Variants in RAB11FIP3 observed in about 807,000 individuals in gnomAD.
The protein encoded by RAB11FIP3 is rab11 family-interacting protein 3.
RAB11FIP3 carries 17 observed loss-of-function variants against 77.8 expected under a neutral mutation model. The ratio of observed to expected loss-of-function variants is 0.22; its 90% confidence interval spans 0.15 to 0.33. The LOEUF (loss-of-function observed/expected upper bound fraction) is 0.33. RAB11FIP3 is among the 10% of genes least tolerant of loss of function. The pLI is 1.00. For missense variants in RAB11FIP3, 1,005 were observed against 1,011.2 expected (o/e 0.99, Z 0.08); for synonymous variants, 437 against 448.2 (o/e 0.98, Z 0.31).
chr16:445,634 A>G (rs2055303439), intron 1 of RAB11FIP3, among the ~76,000 whole-genome samples: 2 of 152,144 alleles, frequency 1.3e-5, no homozygotes, highest in African/African-American at 4.8e-5. Flanking sequence ...CAGGTGGCTG[A>G]ATCTCAGGCC....
rs200248787 is a variant in RAB11FIP3 at position 487,560 on chromosome 16, G to A, written c.1116-1291G>A. ...AGTGGGTCCGGGCGGAGCAGAGCGC[G>A]CGGTCCTCCTGACTCTGCCCCCTTC... On this transcript the variant is annotated intron_variant, in intron 4 of 13. Coordinates refer to ENST00000262305, the MANE Select transcript of RAB11FIP3 (RefSeq NM_014700.4). 6.6e-5 allele frequency among the ~76,000 whole-genome samples: 10 copies of A among 152,162 alleles called. No individual in the cohort carries two copies. In the East Asian group the frequency reaches 9.6e-4, roughly 15 times the overall value.
At chr16:451,030 A>C (rs1237980634) in intron 1 of RAB11FIP3, among the ~76,000 whole-genome samples, 4 of 151,854 alleles carry the variant, frequency 2.6e-5, no homozygotes, top group Non-Finnish European at 4.4e-5. Context: ...TTATTTCCTC[A>C]TCATGTTTGC....
intron 10 of RAB11FIP3, among the ~76,000 whole-genome samples, chr16:519,424 A>G (rs879566681): frequency 3.3e-5 from 5 of 152,208 alleles, no homozygotes; most frequent in Admixed American, 2.6e-4. Context: ...ATATTCTCAG[A>G]GCACTTGGGC....
At chr16:494,405 G>C (rs1221287698) in intron 5 of RAB11FIP3, among the ~76,000 whole-genome samples, 1 of 149,764 alleles carries the variant, frequency 6.7e-6, no homozygotes, top group Non-Finnish European at 1.5e-5. Context: ...GGCAGATCAC[G>C]AGGTCAGGAG....
chr16:485,325 C>T (rs916090658), intron 4 of RAB11FIP3, among the ~76,000 whole-genome samples: 1 of 152,158 alleles, frequency 6.6e-6, no homozygotes, highest in Non-Finnish European at 1.5e-5. Flanking sequence ...GGAGTCCTTT[C>T]GATATGAGTC....
chr16:506,467 G>A lies in RAB11FIP3; in HGVS notation c.1499+840G>A, dbSNP rs1174679237. Among the ~76,000 whole-genome samples, 2 of 152,146 alleles carry A rather than the reference G, an allele frequency of 1.3e-5. No homozygotes were observed. Among genetic ancestry groups the A allele is most frequent in the African/African-American group, 4.8e-5 (2 of 41,418 alleles). ...CTGCCCAGCTGCGCGGGCACATCCC[G>A]GCTCTTCCACATATTCTCAGCTCGG... On this transcript the variant is annotated intron_variant, in intron 8 of 13. Transcript: ENST00000262305. This position sits in a 1 kb window ranked among gnomAD's most constrained non-coding sequence, Gnocchi z 4.5.
In RAB11FIP3 at chr16:496,875, G is replaced by T. The variant is rs1455366910; in HGVS notation, c.1301+16G>T. ...AGGTGGCAAGGTAGGTGGGTCTCTG[G>T]TTCCTGCTGAAAAACGTTCTGAAGT... is the stretch of plus-strand genomic sequence containing the variant. On this transcript the variant is annotated intron_variant, in intron 6 of 13. Transcript: ENST00000262305. The T allele has an allele frequency of 6.4e-6, 10 of 1,563,444 alleles. No individual in the cohort carries two copies. In the Admixed American group the frequency reaches 1.2e-4, roughly 18 times the overall value.
chr16:470,071 C>T (rs984403703), intron 2 of RAB11FIP3, among the ~76,000 whole-genome samples: 2 of 151,668 alleles, frequency 1.3e-5, no homozygotes, highest in Non-Finnish European at 2.9e-5. Context: ...ATTTCGGCTC[C>T]CTGAAACATC....
intron 1 of RAB11FIP3, among the ~76,000 whole-genome samples, chr16:457,511 C>CTTT (rs35462064): frequency 1.4e-5 from 2 of 139,062 alleles, no homozygotes; most frequent in Non-Finnish European, 3.1e-5. Context: ...ACAGTTTCAC[C>CTTT]TTTTTTTTTT....
In RAB11FIP3 at chr16:520,598, A is replaced by T; in HGVS notation, c.2156A>T (p.Glu719Val). 6.2e-7 allele frequency: 1 copy of T among 1,613,134 alleles called. No individual in the cohort carries two copies. Among genetic ancestry groups the T allele is most frequent in the Non-Finnish European group, 8.5e-7 (1 of 1,179,798 alleles). The change falls in exon 13 of 14, where the codon GAG becomes GTG. Residue 719 changes from glutamate to valine, a missense_variant and splice_region_variant. Physicochemically the swap from Glu to Val is moderately radical, Grantham distance 121 (BLOSUM62 -2). Transcript: ENST00000262305. Reference protein sequence around the residue: ...AAEISSVSRDELMEAIQKQEE... With the variant: ...AAEISSVSRDVLMEAIQKQEE... Reference sequence around the variant, plus strand: ...GAGATCAGCTCCGTCTCCCGAGATGAGGTAACACATCCCGTGTCTGCACGG... The same window carrying T: ...GAGATCAGCTCCGTCTCCCGAGATGTGGTAACACATCCCGTGTCTGCACGG...
chr16:516,012 C>T (rs1003574427), intron 9 of RAB11FIP3, among the ~76,000 whole-genome samples: 2 of 152,174 alleles, frequency 1.3e-5, no homozygotes, highest in Admixed American at 1.3e-4. Flanking sequence ...GTCTGACCAG[C>T]CCCAGACAAG....
At chr16:429,459 C>T (rs950466557) in intron 1 of RAB11FIP3, among the ~76,000 whole-genome samples, 7 of 151,904 alleles carry the variant, frequency 4.6e-5, no homozygotes, top group Non-Finnish European at 1.0e-4. Flanking sequence ...TTAGTCCAGT[C>T]ACATTACTGT....
chr16:437,850 T>G (rs1394383388), intron 1 of RAB11FIP3, among the ~76,000 whole-genome samples: 1 of 152,194 alleles, frequency 6.6e-6, no homozygotes, highest in African/African-American at 2.4e-5. Context: ...TGGAGTGCAA[T>G]GGCACGATCT....
chr16:508,198 G>T (rs554272431), intron 8 of RAB11FIP3, among the ~76,000 whole-genome samples: 1 of 152,196 alleles, frequency 6.6e-6, no homozygotes, highest in African/African-American at 2.4e-5. Flanking sequence ...GTCAGAGATC[G>T]AATTCCCTGA....
At chr16:457,998 G>A (rs1265392008) in intron 1 of RAB11FIP3, among the ~76,000 whole-genome samples, 1 of 152,246 alleles carries the variant, frequency 6.6e-6, no homozygotes, top group Non-Finnish European at 1.5e-5. Flanking sequence ...CTAGAGTCAC[G>A]CTAGCACACA....
At position 514,319 on chromosome 16, in the gene RAB11FIP3, C is replaced by T. The variant is rs1046499124; in HGVS notation, c.1640+3519C>T. On this transcript the variant is annotated intron_variant, in intron 9 of 13. Transcript: ENST00000262305. The surrounding 1 kb of genome is among the most constrained non-coding windows in gnomAD (Gnocchi z 4.6). ...GGACTTCCCCAGCCTGGCCTCTGCC[C>T]ATCTGGTGTACAGGAAGACCCTGGT... 2.6e-5 allele frequency among the ~76,000 whole-genome samples: 4 copies of T among 152,236 alleles called. No individual in the cohort carries two copies. The highest frequency in any genetic ancestry group is 2.9e-5 in the Non-Finnish European group (2 of 68,034).
chr16:426,712 G>T lies in RAB11FIP3; in HGVS notation c.706G>T (p.Ala236Ser), dbSNP rs762229531. ...DFIQFATVYGAEQVKDLTKYL... is the reference protein window; with the variant it reads ...DFIQFATVYGSEQVKDLTKYL... ...CATCCAGTTTGCTACGGTCTACGGG[G>T]CAGAGCAGGTACGGAGCGGCCCGGG... Residue 236 changes from alanine (A) to serine (S), a missense_variant, in exon 1 of 14, where the codon GCA (alanine) becomes TCA (serine). Transcript: ENST00000262305. This position sits in a 1 kb window ranked among gnomAD's most constrained non-coding sequence, Gnocchi z 5.0. 7.3e-6 allele frequency: 11 copies of T among 1,508,688 alleles called. No homozygotes were observed. The highest frequency in any genetic ancestry group is 1.4e-5 in the African/African-American group (1 of 70,234). 93.5% of individuals were successfully genotyped at this position (1,508,688 alleles called of 1,614,324 possible). A position where few individuals can be genotyped will look rare whatever the true frequency, so the allele number is the denominator to read the frequency against.
chr16:457,873 A>T (rs2055528805), intron 1 of RAB11FIP3, among the ~76,000 whole-genome samples: 1 of 152,122 alleles, frequency 6.6e-6, no homozygotes, highest in South Asian at 2.1e-4. Context: ...ACCCAGCAAG[A>T]CTCTCACATT....
intron 9 of RAB11FIP3, among the ~76,000 whole-genome samples, chr16:513,314 G>A (rs767333925): frequency 3.3e-5 from 5 of 152,106 alleles, no homozygotes; most frequent in East Asian, 1.9e-4. Context: ...TTGAACTCCC[G>A]GGCTCAAGCA....
Sources: allele counts gnomAD v4.1 joint callset (sites outside exome capture counted in the v4.1 genomes callset), GRCh38; gene constraint gnomAD v4.1.1; non-coding constraint Gnocchi (gnomAD v3.1); transcripts MANE v1.5; gene names NCBI Gene and HGNC (gene_info 2026-07-23, HGNC 2026-07-21).